The following CLIC1 variants were observed in gnomAD, a reference collection of about 807,000 sequenced individuals.
The protein encoded by CLIC1 is CLIC family member 1.
A neutral mutation model predicts 26.4 loss-of-function variants in CLIC1; 16 were observed. That is an observed-to-expected ratio of 0.61 (90% CI 0.41 to 0.92). The LOEUF is 0.92. Ranked by LOEUF, CLIC1 falls within the 40% of genes least tolerant of loss-of-function variation. The probability of loss-of-function intolerance (pLI) is 0.00; values close to 1 mark genes in which losing one functional copy is unlikely to be tolerated. For missense variants in CLIC1, 225 were observed against 289.7 expected (o/e 0.78, Z 1.62); for synonymous variants, 98 against 120.8 (o/e 0.81, Z 1.24).
rs1442191438 is a variant in CLIC1, at chr6:31,736,367, C to A, written c.-67G>T. The A allele has an allele frequency of 4.3e-6, 7 of 1,610,672 alleles. No individual in the cohort carries two copies. The African/African-American group carries it at 9.4e-5, about 22-fold the overall frequency. ...TGGGAGGGGCTGGGACCGGGGAAGG[C>A]GGGTCTCACACTCAGGGACTCTCTC... is the stretch of plus-strand genomic sequence containing the variant. On this transcript the variant is annotated 5_prime_UTR_variant, in exon 1 of 6. Coordinates refer to ENST00000375784, the Ensembl canonical transcript of CLIC1. This position sits in a 1 kb window ranked among gnomAD's most constrained non-coding sequence, Gnocchi z 5.0.
At chr6:31,731,787 T>A (rs559431438) in intron 5 of CLIC1, among the ~76,000 whole-genome samples, 1 of 152,318 alleles carries the variant, frequency 6.6e-6, no homozygotes, top group African/African-American at 2.4e-5. Flanking sequence ...AACTAAACCA[T>A]AGCTTTGAGA....
upstream of CLIC1, chr6:31,736,825 A>C (rs186226712): frequency 7.9e-5 from 78 of 987,792 alleles, no homozygotes; most frequent in East Asian, 7.9e-3. The surrounding 1 kb of genome is among the most constrained non-coding windows in gnomAD (Gnocchi z 5.0). Flanking sequence ...AGATTCAGGG[A>C]TGGGGACTTC....
At chr6:31,737,065 TC>T, upstream of CLIC1, 1 of 405,158 alleles carries the variant, frequency 2.5e-6, no homozygotes, top group South Asian at 1.0e-4. Context: ...GTCTACTGTC[TC>T]CGGGCCCAGC....
At chr6:31,736,677 A>G (rs1158983555), upstream of CLIC1, 6 of 1,084,966 alleles carry the variant, frequency 5.5e-6, no homozygotes, top group African/African-American at 9.8e-5. This position sits in a 1 kb window ranked among gnomAD's most constrained non-coding sequence, Gnocchi z 5.0. Context: ...AGGAGTCCTG[A>G]AAACCTCCTT....
At position 31,733,333 on chromosome 6, in the gene CLIC1, C is replaced by T. The variant is rs749687116; in HGVS notation, c.382+233G>A. 2.0e-5 allele frequency among the ~76,000 whole-genome samples: 3 copies of T among 152,108 alleles called. No individual in the cohort carries two copies. Among genetic ancestry groups the T allele is most frequent in the Admixed American group, 6.5e-5 (1 of 15,270 alleles). ...AGAAAACAGGCCAGCAGCCAACTAA[C>T]GTCCTCAGTGGGGCAGAAGAGGCTA... On this transcript the variant is annotated intron_variant, in intron 4 of 5. Transcript: ENST00000375784. The surrounding 1 kb of genome is among the most constrained non-coding windows in gnomAD (Gnocchi z 5.4).
upstream of CLIC1, chr6:31,736,923 G>A: frequency 1.0e-6 from 1 of 985,744 alleles, no homozygotes; most frequent in Non-Finnish European, 1.2e-6. The surrounding 1 kb of genome is among the most constrained non-coding windows in gnomAD (Gnocchi z 5.0). Context: ...TCTGAGAGAA[G>A]AACTCGGAAG....
At chr6:31,736,945 G>C, upstream of CLIC1, 1 of 985,754 alleles carries the variant, frequency 1.0e-6, no homozygotes, top group Non-Finnish European at 1.2e-6. This position sits in a 1 kb window ranked among gnomAD's most constrained non-coding sequence, Gnocchi z 5.0. Flanking sequence ...GGAAGGCTGG[G>C]ACTGCAGATA....
chr6:31,736,684 C>T, upstream of CLIC1: 1 of 1,071,656 alleles, frequency 9.3e-7, no homozygotes, highest in Non-Finnish European at 1.1e-6. This position sits in a 1 kb window ranked among gnomAD's most constrained non-coding sequence, Gnocchi z 5.0. Flanking sequence ...CTGAAAACCT[C>T]CTTGTTTCTC....
rs761445885 is a variant in CLIC1, at chr6:31,736,327, C to T, written c.-27G>A. The T allele has an allele frequency of 2.6e-5, 42 of 1,612,604 alleles. No individual in the cohort carries two copies. The highest frequency in any genetic ancestry group is 2.0e-4 in the African/African-American group (15 of 74,896). On this transcript the variant is annotated 5_prime_UTR_variant, in exon 1 of 6. Transcript: ENST00000375784. This position sits in a 1 kb window ranked among gnomAD's most constrained non-coding sequence, Gnocchi z 5.0. ...GTTGCGTCGGGGACCAGGAAGTGGC[C>T]GTCCCTGGGGGAACTGGGAGGGGCT...
At chr6:31,731,750 A>G (rs961798753) in intron 5 of CLIC1, among the ~76,000 whole-genome samples, 1 of 152,246 alleles carries the variant, frequency 6.6e-6, no homozygotes, top group African/African-American at 2.4e-5. Context: ...GTTGTGTGGC[A>G]GACTGATGTC....
At position 31,736,368 on chromosome 6, in the gene CLIC1, G is replaced by A. The variant is rs1808334966; in HGVS notation, c.-68C>T. 1.6e-5 allele frequency: 26 copies of A among 1,610,804 alleles called. No homozygotes were observed. In the South Asian group the frequency reaches 2.3e-4, roughly 14 times the overall value. On this transcript the variant is annotated 5_prime_UTR_variant, in exon 1 of 6. Coordinates refer to ENST00000375784, the Ensembl canonical transcript of CLIC1. The surrounding 1 kb of genome is among the most constrained non-coding windows in gnomAD (Gnocchi z 5.0). The stretch of plus-strand genomic sequence containing the variant: ...GGGAGGGGCTGGGACCGGGGAAGGC[G>A]GGTCTCACACTCAGGGACTCTCTCC...
Position 31,733,689 on chromosome 6 carries a change from A to G in CLIC1, c.276-17T>C. 6.2e-7 allele frequency: 1 copy of G among 1,612,448 alleles called. No individual in the cohort carries two copies. The highest frequency in any genetic ancestry group is 8.5e-7 in the Non-Finnish European group (1 of 1,179,280). On this transcript the variant is annotated splice_polypyrimidine_tract_variant and intron_variant, in intron 3 of 5. Transcript: ENST00000375784. This position sits in a 1 kb window ranked among gnomAD's most constrained non-coding sequence, Gnocchi z 5.4. Reference sequence around the variant, plus strand: ...TTGGGGTACCTGAAAGCCAATGGGAAAAATGAGGTAAGATGTCTTCCTGGG... The same window carrying G: ...TTGGGGTACCTGAAAGCCAATGGGAGAAATGAGGTAAGATGTCTTCCTGGG...
chr6:31,733,608 A>G lies in CLIC1; in HGVS notation c.340T>C (p.Phe114Leu), dbSNP rs1808127112. The stretch of plus-strand genomic sequence containing the variant: ...TTTGAATTCTTGATGTAGGCAGAAA[A>G]TTTGGCAAATATGTCCAGCCCAGCT... The change falls in exon 4 of 6, where the codon TTT (phenylalanine) becomes CTT (leucine). Residue 114 changes from phenylalanine (F) to leucine (L), a missense_variant. Phe to Leu is a conservative substitution (Grantham distance 22, BLOSUM62 0). Transcript: ENST00000375784. This position sits in a 1 kb window ranked among gnomAD's most constrained non-coding sequence, Gnocchi z 5.4. 6.2e-7 allele frequency: 1 copy of G among 1,612,916 alleles called. No homozygotes were observed. Among genetic ancestry groups the G allele is most frequent in the Admixed American group, 1.7e-5 (1 of 60,002 alleles).
At chr6:31,736,835 C>T (rs2151322181), upstream of CLIC1, 1 of 987,160 alleles carries the variant, frequency 1.0e-6, no homozygotes, top group Non-Finnish European at 1.2e-6. This position sits in a 1 kb window ranked among gnomAD's most constrained non-coding sequence, Gnocchi z 5.0. Flanking sequence ...ATGGGGACTT[C>T]AAATGGAAAG....
At chr6:31,736,666 G>A (rs1388200696), upstream of CLIC1, 8 of 1,100,414 alleles carry the variant, frequency 7.3e-6, no homozygotes, top group African/African-American at 1.1e-4. This position sits in a 1 kb window ranked among gnomAD's most constrained non-coding sequence, Gnocchi z 5.0. Flanking sequence ...GGGTGTTAAG[G>A]AGGAGTCCTG....
Position 31,733,492 on chromosome 6 carries a change from GC to G in CLIC1, c.382+73del. The G allele has an allele frequency of 1.0e-6, 1 of 995,060 alleles. No individual in the cohort carries two copies. The allele number at this position is 995,060 out of a possible 1,614,324, so 61.6% of individuals were successfully genotyped here. On this transcript the variant is annotated intron_variant, in intron 4 of 5. Transcript: ENST00000375784. This position sits in a 1 kb window ranked among gnomAD's most constrained non-coding sequence, Gnocchi z 5.4. The stretch of plus-strand genomic sequence containing the variant: ...CTCCCTGATATCTGAACGTCCAGGT[GC>G]CCCTAATGTCTCCTACCCGCTGGGT...
chr6:31,732,180 C>A lies in CLIC1; in HGVS notation c.564+37G>T. 1 of 1,408,656 alleles carries A rather than the reference C, an allele frequency of 7.1e-7. No homozygotes were observed. The highest frequency in any genetic ancestry group is 1.7e-5 in the South Asian group (1 of 57,902). 87.3% of individuals were successfully genotyped at this position (1,408,656 alleles called of 1,614,324 possible). On this transcript the variant is annotated intron_variant, in intron 5 of 5. Transcript: ENST00000375784. The surrounding 1 kb of genome is among the most constrained non-coding windows in gnomAD (Gnocchi z 5.0). ...TGTGGGAGCTCCTTAAAGGGCCACT[C>A]CAGTGGTCATCCTCTCCTCCCGCAA...
chr6:31,736,960 C>T (rs1808369537), upstream of CLIC1: 10 of 985,632 alleles, frequency 1.0e-5, no homozygotes, highest in Admixed American at 6.1e-5. The surrounding 1 kb of genome is among the most constrained non-coding windows in gnomAD (Gnocchi z 5.0). Context: ...CAGATAGGAA[C>T]CGTTAGCCAT....
At position 31,733,956 on chromosome 6, in the gene CLIC1, G is replaced by A; in HGVS notation, c.155C>T (p.Thr52Ile). The A allele has an allele frequency of 6.2e-7, 1 of 1,612,710 alleles. No homozygotes were observed. Among genetic ancestry groups the A allele is most frequent in the Non-Finnish European group, 8.5e-7 (1 of 1,179,212 alleles). ...TGGGCACAGCTTCTGCACTGTCTCG[G>A]TCCGCCTGGAGAAAGGATCAGGAAT... is the stretch of plus-strand genomic sequence containing the variant. Residue 52 changes from threonine to isoleucine, a missense_variant, in exon 3 of 6, where the codon ACC (threonine) becomes ATC (isoleucine). Transcript: ENST00000375784. This position sits in a 1 kb window ranked among gnomAD's most constrained non-coding sequence, Gnocchi z 5.4.
Sources: gnomAD v4.1 joint callset for allele counts (sites outside exome capture counted in the v4.1 genomes callset) on GRCh38, gnomAD v4.1.1 for gene constraint, Gnocchi (gnomAD v3.1) non-coding constraint, MANE v1.5 for transcripts, NCBI Gene and HGNC (gene_info 2026-07-23, HGNC 2026-07-21) for gene names.